ATP10B: variants seen among roughly 807,000 people sequenced by gnomAD.
ATP10B encodes the protein ATPase phospholipid transporting 10B (putative).
ATP10B carries 122 observed loss-of-function variants against 141.2 expected under a neutral mutation model. The ratio of observed to expected loss-of-function variants is 0.86; its 90% CI spans 0.75 to 1.00. The LOEUF is 1.00. Ranked by LOEUF, ATP10B falls within the 50% of genes least tolerant of loss-of-function variation. ATP10B has a pLI of 0.00. For missense variants in ATP10B, 1,876 were observed against 1,825.3 expected (o/e 1.03, Z -0.51); for synonymous variants, 685 against 692.0 (o/e 0.99, Z 0.16).
At chr5:160,807,814 G>T (rs1219065841) in intron 1 of ATP10B, among the ~76,000 whole-genome samples, 3 of 152,158 alleles carry the variant, frequency 2.0e-5, no homozygotes, top group Admixed American at 6.5e-5. Context: ...CGATAGCAGA[G>T]AAATCTCTTT....
chr5:160,630,026 C>A (rs75224478), intron 13 of ATP10B, among the ~76,000 whole-genome samples: 1,561 of 152,300 alleles, frequency 0.01, 17 homozygotes, highest in African/African-American at 0.036. Flanking sequence ...CCAGAACCTC[C>A]ATTTCCTAAC....
At chr5:160,659,835 A>G (rs1428327614) in intron 7 of ATP10B, among the ~76,000 whole-genome samples, 3 of 152,262 alleles carry the variant, frequency 2.0e-5, no homozygotes. Context: ...GAGAAATAAA[A>G]CTACATCTAA....
At chr5:160,798,396 C>T (rs555472798) in intron 1 of ATP10B, among the ~76,000 whole-genome samples, 1 of 152,272 alleles carries the variant, frequency 6.6e-6, no homozygotes, top group African/African-American at 2.4e-5. Context: ...GGCCCTAACC[C>T]AATGACTTGT....
chr5:160,571,330 C>A (rs1350118210), intron 24 of ATP10B, among the ~76,000 whole-genome samples: 1 of 152,102 alleles, frequency 6.6e-6, no homozygotes, highest in Non-Finnish European at 1.5e-5. Context: ...ATCTAATTTT[C>A]TATTAAGCCA....
chr5:160,856,094 T>C (rs1178104232), upstream of ATP10B, among the ~76,000 whole-genome samples: 1 of 151,870 alleles, frequency 6.6e-6, no homozygotes, highest in Non-Finnish European at 1.5e-5. Context: ...ATAATAATCT[T>C]GTCTGTACCT....
intron 23 of ATP10B, among the ~76,000 whole-genome samples, chr5:160,590,743 G>A (rs1287899072): frequency 6.6e-6 from 1 of 152,186 alleles, no homozygotes; most frequent in Non-Finnish European, 1.5e-5. Context: ...AAGGGGAGTG[G>A]TAGAGACTAA....
At chr5:160,724,700 T>C (rs1322945699) in intron 2 of ATP10B, among the ~76,000 whole-genome samples, 1 of 152,164 alleles carries the variant, frequency 6.6e-6, no homozygotes, top group African/African-American at 2.4e-5. Flanking sequence ...ACACAGGTCA[T>C]GTGCCCCCTC....
intron 25 of ATP10B, among the ~76,000 whole-genome samples, chr5:160,568,572 TAGAG>T (rs565425923): frequency 5.3e-5 from 8 of 152,202 alleles, no homozygotes; most frequent in Non-Finnish European, 1.0e-4. Flanking sequence ...CTGCTCTGAC[TAGAG>T]AGAGTGGGCT....
At chr5:160,869,161 CAT>C in the ATP10B span, among the ~76,000 whole-genome samples, 13 of 152,262 alleles carry the variant, frequency 8.5e-5, no homozygotes, top group African/African-American at 2.4e-4. Context: ...AGATATCTGA[CAT>C]ATGTGTGTAC....
the ATP10B span, among the ~76,000 whole-genome samples, chr5:160,901,173 C>T: frequency 6.6e-6 from 1 of 152,126 alleles, no homozygotes; most frequent in Non-Finnish European, 1.5e-5. Context: ...GAACTTCACA[C>T]CAAAGCCACA....
At chr5:160,641,501 G>C (rs1759864992) in intron 9 of ATP10B, among the ~76,000 whole-genome samples, 1 of 152,202 alleles carries the variant, frequency 6.6e-6, no homozygotes, top group Non-Finnish European at 1.5e-5. Context: ...TCCAGTAGGG[G>C]AAGCTGAGGG....
chr5:160,798,706 GA>G (rs1772133616), intron 1 of ATP10B, among the ~76,000 whole-genome samples: 1 of 151,452 alleles, frequency 6.6e-6, no homozygotes, highest in African/African-American at 2.4e-5. Context: ...GCAGCCCTAG[GA>G]AACTAATACA....
intron 5 of ATP10B, among the ~76,000 whole-genome samples, chr5:160,687,510 T>C (rs1763828399): frequency 6.6e-6 from 1 of 152,176 alleles, no homozygotes. Context: ...ACTCCTGTAA[T>C]CCCATCTCTT....
chr5:160,736,814 G>A (rs936673299), intron 2 of ATP10B, among the ~76,000 whole-genome samples: 3 of 152,154 alleles, frequency 2.0e-5, no homozygotes, highest in African/African-American at 7.2e-5. Context: ...TGGCTTCACT[G>A]CTGAATTTTA....
At chr5:160,786,723 T>C (rs1771177505) in intron 1 of ATP10B, among the ~76,000 whole-genome samples, 1 of 152,146 alleles carries the variant, frequency 6.6e-6, no homozygotes, top group Non-Finnish European at 1.5e-5. Context: ...TAATCTATAT[T>C]ATTTTAGCAA....
At chr5:160,583,476 G>A (rs1755683279) in intron 24 of ATP10B, among the ~76,000 whole-genome samples, 4 of 152,216 alleles carry the variant, frequency 2.6e-5, no homozygotes, top group Admixed American at 6.5e-5. Flanking sequence ...CCAGATGCCA[G>A]CCAGAACTTT....
chr5:160,723,591 G>T (rs940691052), intron 2 of ATP10B, among the ~76,000 whole-genome samples: 1 of 152,096 alleles, frequency 6.6e-6, no homozygotes, highest in African/African-American at 2.4e-5. Flanking sequence ...CCTTTCAGTT[G>T]TTGGTCAAAA....
At chr5:160,764,972 A>G (rs898350008) in intron 2 of ATP10B, among the ~76,000 whole-genome samples, 3 of 152,094 alleles carry the variant, frequency 2.0e-5, no homozygotes, top group Non-Finnish European at 4.4e-5. Context: ...TAGCTGCAAA[A>G]AATAAAAAAT....
intron 22 of ATP10B, among the ~76,000 whole-genome samples, chr5:160,592,851 G>T (rs184560749): frequency 0.017 from 2,651 of 152,336 alleles, 38 homozygotes; most frequent in Non-Finnish European, 0.023. Flanking sequence ...AGGCAGCAGC[G>T]AGGCTGGGGG....
Sources: gnomAD v4.1 joint callset for allele counts (sites outside exome capture counted in the v4.1 genomes callset) on GRCh38, gnomAD v4.1.1 for gene constraint, MANE v1.5 for transcripts, NCBI Gene and HGNC (gene_info 2026-07-23, HGNC 2026-07-21) for gene names.